The following ERG variants were observed in gnomAD, a reference collection of about 807,000 sequenced individuals.
ERG encodes transcriptional regulator ERG.
In ERG, 9 loss-of-function variants were observed where a neutral mutation model predicts 55.3. The ratio of observed to expected loss-of-function variants is 0.16; its 90% CI spans 0.10 to 0.28. The LOEUF (loss-of-function observed/expected upper bound fraction) is 0.28, where lower values mean the gene tolerates loss of function less well. Among genes scored for constraint, ERG ranks in the 10% least tolerant of loss-of-function variants. The pLI is 1.00. For missense variants in ERG, 434 were observed against 631.6 expected (o/e 0.69, Z 3.35); for synonymous variants, 223 against 237.3 (o/e 0.94, Z 0.55).
chr21:38,572,510 T>C (rs1443119657), intron 2 of ERG, among the ~76,000 whole-genome samples: 1 of 152,024 alleles, frequency 6.6e-6, no homozygotes, highest in Non-Finnish European at 1.5e-5. Context: ...TGGAAGAAAA[T>C]TATCCTCCCA....
chr21:38,621,921 T>C (rs2060292754), intron 1 of ERG, among the ~76,000 whole-genome samples: 1 of 152,168 alleles, frequency 6.6e-6, no homozygotes, highest in South Asian at 2.1e-4. Flanking sequence ...GAGATGACTC[T>C]GAGTACACAA....
At chr21:38,487,863 A>AT (rs2059300808) in intron 1 of ERG, among the ~76,000 whole-genome samples, 1 of 152,236 alleles carries the variant, frequency 6.6e-6, no homozygotes, top group South Asian at 2.1e-4. Context: ...CTAAAGGAAA[A>AT]TATCTCTTTG....
In ERG at chr21:38,443,607, A is replaced by G. The variant is rs3787896; in HGVS notation, c.236+1797T>C. Among the ~76,000 whole-genome samples, 3 of 152,320 alleles carry G rather than the reference A, an allele frequency of 2.0e-5. No individual in the cohort carries two copies. The East Asian group carries it at 5.8e-4, about 29-fold the overall frequency. On this transcript the variant is annotated intron_variant, in intron 2 of 9. Transcript: ENST00000288319. ...ATTCTTCTGTGTTTCAGAAATATAT[A>G]TAGTTAATGATCAACAGAAACATTG...
At chr21:38,531,273 A>C (rs576440696) in intron 2 of ERG, among the ~76,000 whole-genome samples, 1 of 152,324 alleles carries the variant, frequency 6.6e-6, no homozygotes, top group South Asian at 2.1e-4. Flanking sequence ...TCACAAATAA[A>C]GTAATCTGTA....
Position 38,498,254 on chromosome 21 carries a change from G to T in ERG, c.18+109C>A, listed in dbSNP as rs2059395912. 1 of 887,498 alleles carries T rather than the reference G, an allele frequency of 1.1e-6. No homozygotes were observed. Among genetic ancestry groups the T allele is most frequent in the Non-Finnish European group, 1.9e-6 (1 of 536,616 alleles). 55.0% of individuals were successfully genotyped at this position (887,498 alleles called of 1,614,324 possible). A position where few individuals can be genotyped will look rare whatever the true frequency, so the allele number is the denominator to read the frequency against. On this transcript the variant is annotated intron_variant, in intron 1 of 9. Transcript: ENST00000288319. This position sits in a 1 kb window ranked among gnomAD's most constrained non-coding sequence, Gnocchi z 4.6. ...AGGAAATCTTGTTGTCCTCTATTGT[G>T]GCAGTGGGGGTGTTGCCCAACCCTA...
chr21:38,599,086 C>T (rs759879017), intron 1 of ERG, among the ~76,000 whole-genome samples: 3 of 152,282 alleles, frequency 2.0e-5, no homozygotes, highest in African/African-American at 7.2e-5. Flanking sequence ...TCTGAGCTAC[C>T]AGGGCACAGG....
intron 1 of ERG, among the ~76,000 whole-genome samples, chr21:38,465,672 C>CTT (rs2059082281): frequency 6.6e-6 from 1 of 152,112 alleles, no homozygotes; most frequent in African/African-American, 2.4e-5. Context: ...GTATGGAAAT[C>CTT]ACTCTATCTT....
At chr21:38,396,828 T>C (rs2836366) in intron 6 of ERG, among the ~76,000 whole-genome samples, 39,237 of 152,002 alleles carry the variant, frequency 0.26, 5,841 homozygotes, top group South Asian at 0.36. Flanking sequence ...AAGAAGGGTG[T>C]TTGTAGAGGA....
At chr21:38,635,140 G>A (rs2060380390) in intron 1 of ERG, among the ~76,000 whole-genome samples, 1 of 152,206 alleles carries the variant, frequency 6.6e-6, no homozygotes, top group South Asian at 2.1e-4. Flanking sequence ...TAGTGAGGAG[G>A]AAGAGAAGGA....
At chr21:38,608,759 A>G (rs548052638) in intron 1 of ERG, among the ~76,000 whole-genome samples, 4 of 152,220 alleles carry the variant, frequency 2.6e-5, no homozygotes, top group African/African-American at 9.6e-5. Context: ...GTGGGGTGGG[A>G]GCAAAGGGGT....
chr21:38,617,130 T>C lies in ERG; in HGVS notation c.-149-32185A>G, dbSNP rs192034454. Among the ~76,000 whole-genome samples the C allele has an allele frequency of 4.4e-3, 666 of 152,322 alleles. 3 individuals carry two copies. The highest frequency in any genetic ancestry group is 0.015 in the African/African-American group (607 of 41,578). ...GGGATAACATAATAATGCGGCTGTG[T>C]CTTGGTAAATGTCATTTATTCCCTC... On this transcript the variant is annotated intron_variant, in intron 1 of 10. Transcript: ENST00000398910.
At chr21:38,455,642 A>G (rs1438806405) in intron 1 of ERG, among the ~76,000 whole-genome samples, 1 of 152,092 alleles carries the variant, frequency 6.6e-6, no homozygotes, top group African/African-American at 2.4e-5. Flanking sequence ...AAATTCCAGG[A>G]ATTTTATTCA....
At chr21:38,368,292 T>C in the ERG span, among the ~76,000 whole-genome samples, 1 of 152,280 alleles carries the variant, frequency 6.6e-6, no homozygotes, top group East Asian at 1.9e-4. Flanking sequence ...CCCTAAATAA[T>C]ATATTATCTT....
intron 1 of ERG, among the ~76,000 whole-genome samples, chr21:38,647,335 A>C (rs931843782): frequency 5.3e-5 from 8 of 152,216 alleles, no homozygotes; most frequent in Non-Finnish European, 8.8e-5. Context: ...AATACTTTGC[A>C]AAGTCAAGTA....
intron 1 of ERG, among the ~76,000 whole-genome samples, chr21:38,458,579 G>A (rs2059012265): frequency 6.6e-6 from 1 of 152,080 alleles, no homozygotes; most frequent in Non-Finnish European, 1.5e-5. Flanking sequence ...ATTTATCCAA[G>A]CAATATTTAT....
chr21:38,440,365 A>T (rs553773606), intron 2 of ERG, among the ~76,000 whole-genome samples: 1 of 152,258 alleles, frequency 6.6e-6, no homozygotes, highest in South Asian at 2.1e-4. Context: ...CTCATCTGTG[A>T]GCCCCTCCGT....
intron 2 of ERG, among the ~76,000 whole-genome samples, chr21:38,558,639 G>T (rs1381608450): frequency 1.3e-5 from 2 of 152,210 alleles, no homozygotes; most frequent in African/African-American, 4.8e-5. Flanking sequence ...ACAATACTGG[G>T]ATAGTCTTCC....
In ERG at chr21:38,543,737, CT is replaced by C. The variant is rs542648278; in HGVS notation, c.-41+31924del. Among the ~76,000 whole-genome samples the C allele has an allele frequency of 3.4e-3, 447 of 133,362 alleles. 3 individuals carry two copies. Among genetic ancestry groups the C allele is most frequent in the African/African-American group, 0.011 (392 of 35,746 alleles). The allele number at this position is 133,362 out of a possible 152,430, so 87.5% of individuals were successfully genotyped here. A position where few individuals can be genotyped will look rare whatever the true frequency, so the allele number is the denominator to read the frequency against. ...AAGACAGGGTGATGTGTGAGAAACACTTTTTTTTTTTTTTTTTCAGATGAAG... is the reference window on the plus strand; with the variant it reads ...AAGACAGGGTGATGTGTGAGAAACACTTTTTTTTTTTTTTTTCAGATGAAG... On this transcript the variant is annotated intron_variant, in intron 2 of 8. Coordinates refer to the ERG transcript ENST00000398897.
intron 1 of ERG, among the ~76,000 whole-genome samples, chr21:38,480,823 G>A (rs2059232456): frequency 6.6e-6 from 1 of 151,968 alleles, no homozygotes; most frequent in Non-Finnish European, 1.5e-5. Context: ...AAAGTGTCTA[G>A]TTCATATTCT....
Sources: gnomAD v4.1 joint callset for allele counts (sites outside exome capture counted in the v4.1 genomes callset) on GRCh38, gnomAD v4.1.1 for gene constraint, Gnocchi (gnomAD v3.1) non-coding constraint, MANE v1.5 for transcripts, NCBI Gene and HGNC (gene_info 2026-07-23, HGNC 2026-07-21) for gene names.